Variants in ZNF500 observed in about 807,000 individuals in gnomAD.
ZNF500 encodes zinc finger protein with KRAB and SCAN domains 18.
Under a neutral mutation model 30.1 loss-of-function variants are expected in ZNF500, and 31 were observed. That is an observed-to-expected ratio of 1.03 (90% CI 0.77 to 1.39). The LOEUF (loss-of-function observed/expected upper bound fraction) is 1.39, where lower values mean the gene tolerates loss of function less well. Ranked by LOEUF, ZNF500 falls within the 40% of genes most tolerant of loss-of-function variation. ZNF500 has a pLI of 0.00. For synonymous variants in ZNF500, 392 were observed against 282.0 expected, an observed-to-expected ratio of 1.39 and a Z score of -3.91; for missense variants, 817 against 657.8, an observed-to-expected ratio of 1.24 and a Z score of -2.65.
At chr16:4,756,680 TA>T (rs1451256663) in intron 5 of ZNF500, 2 of 152,056 alleles carry the variant, frequency 1.3e-5, no homozygotes, top group Non-Finnish European at 2.9e-5. Flanking sequence ...CACACCCGGC[TA>T]ATTTTTTTGT....
downstream of ZNF500, chr16:4,746,639 A>G (rs1405540600): frequency 6.3e-6 from 8 of 1,276,228 alleles, no homozygotes; most frequent in East Asian, 2.5e-5. Context: ...TCAATTCTCA[A>G]TTGAAAAGTG....
chr16:4,762,422 G>C, intron 3 of ZNF500, 87 bp from the exon 4 acceptor site: 2 of 1,524,010 alleles, frequency 1.3e-6, no homozygotes, highest in East Asian at 2.3e-5. Flanking sequence ...CCAACAGCCC[G>C]GCGGCTGCCC....
chr16:4,745,657 G>C (rs944061433), downstream of ZNF500, among the ~76,000 whole-genome samples: 2 of 152,172 alleles, frequency 1.3e-5, no homozygotes, highest in African/African-American at 4.8e-5. Flanking sequence ...CCTAACAGAA[G>C]TGGCTACACC....
Position 4,752,074 on chromosome 16 carries a change from CCACGAA to C in ZNF500, c.*296_*301del, listed in dbSNP as rs1358353075. 1 of 1,305,042 alleles carries C rather than the reference CCACGAA, an allele frequency of 7.7e-7. No homozygotes were observed. The highest frequency in any genetic ancestry group is 9.7e-7 in the Non-Finnish European group (1 of 1,029,670). 80.8% of individuals were successfully genotyped at this position (1,305,042 alleles called of 1,614,324 possible). A position where few individuals can be genotyped will look rare whatever the true frequency, so the allele number is the denominator to read the frequency against. On this transcript the variant is annotated 3_prime_UTR_variant, in exon 6 of 6. Transcript: ENST00000219478. ...CTCCCAGGCCCTTCAGGAGCCAGCCCCACGAACACCTTGAGTGTCGGCTTCTGGCCT... is the reference window on the plus strand; with the variant it reads ...CTCCCAGGCCCTTCAGGAGCCAGCCCCACCTTGAGTGTCGGCTTCTGGCCT...
rs200307038 is a variant in ZNF500 at position 4,765,645 on chromosome 16, C to T, written c.334G>A (p.Glu112Lys). ...TCCTCACCGCTCTCCGGCTGCTGCT[C>T]GCGTACCCGAGCCTGGATCTCCCCC... is the stretch of plus-strand genomic sequence containing the variant. Reference protein sequence around the residue: ...LPGEIQARVREQQPESGEEAV... With the variant: ...LPGEIQARVRKQQPESGEEAV... Residue 112 changes from glutamate (E) to lysine (K), a missense_variant, in exon 2 of 6, where the codon GAG becomes AAG. Transcript: ENST00000219478. 24 of 1,613,378 alleles carry T rather than the reference C, an allele frequency of 1.5e-5. No homozygotes were observed. The highest frequency in any genetic ancestry group is 3.3e-4 in the Middle Eastern group (2 of 6,074).
downstream of ZNF500, among the ~76,000 whole-genome samples, chr16:4,745,543 G>C (rs979337757): frequency 1.3e-5 from 2 of 152,204 alleles, no homozygotes; most frequent in Non-Finnish European, 2.9e-5. Context: ...CTATATGCCT[G>C]CCCTCCCCAC....
intron 5 of ZNF500, among the ~76,000 whole-genome samples, chr16:4,759,245 C>T (rs1241045954): frequency 6.6e-6 from 1 of 151,144 alleles, no homozygotes; most frequent in East Asian, 1.9e-4. Flanking sequence ...AAAATAACAA[C>T]CATTGGTATG....
intron 5 of ZNF500, 147 bp downstream of exon 5, chr16:4,760,345 G>T: frequency 3.0e-6 from 2 of 670,386 alleles, no homozygotes; most frequent in South Asian, 3.9e-5. Context: ...AGGCCCTGCA[G>T]GTGGGACTCT....
downstream of ZNF500, chr16:4,744,968 G>A: frequency 6.2e-7 from 1 of 1,613,994 alleles, no homozygotes; most frequent in Non-Finnish European, 8.5e-7. Context: ...GAAGGTGCCT[G>A]CCGACACTCC....
downstream of ZNF500, chr16:4,746,224 G>A: frequency 2.4e-6 from 2 of 833,402 alleles, no homozygotes; most frequent in Non-Finnish European, 3.7e-6. Context: ...GTTCTGAAGA[G>A]TAAAAGAGCA....
chr16:4,744,895 C>A (rs1165989336), downstream of ZNF500: 9 of 1,613,800 alleles, frequency 5.6e-6, no homozygotes, highest in African/African-American at 1.3e-5. Context: ...GCGCCCACAA[C>A]AGGCTCATGG....
downstream of ZNF500, chr16:4,744,882 C>T (rs367853891): frequency 8.7e-6 from 14 of 1,613,056 alleles, no homozygotes; most frequent in South Asian, 1.1e-4. Flanking sequence ...CGCATGGTGC[C>T]GAGCGCCCAC....
At chr16:4,745,386 C>T (rs544347342), downstream of ZNF500, among the ~76,000 whole-genome samples, 14 of 152,324 alleles carry the variant, frequency 9.2e-5, no homozygotes, top group African/African-American at 3.4e-4. Flanking sequence ...CATGTGACCC[C>T]AGCTGCGGGA....
chr16:4,747,017 G>T, downstream of ZNF500: 1 of 1,529,900 alleles, frequency 6.5e-7, no homozygotes, highest in East Asian at 2.5e-5. Flanking sequence ...CTTCCTCCCT[G>T]GGGCTACGGT....
At chr16:4,747,214 GGCTGCCTGAATT>G, downstream of ZNF500, 2 of 1,290,032 alleles carry the variant, frequency 1.6e-6, no homozygotes, top group Non-Finnish European at 2.1e-6. Flanking sequence ...AGCAGTGATG[GGCTGCCTGAATT>G]GCATTCTTGC....
chr16:4,763,289 C>T (rs1387103017), intron 2 of ZNF500: 1 of 286,310 alleles, frequency 3.5e-6, no homozygotes, highest in Non-Finnish European at 5.2e-6. Flanking sequence ...ATCCCAGGTA[C>T]TTGGGAGGCT....
In ZNF500 at chr16:4,751,732, C is replaced by G; in HGVS notation, c.*644G>C. On this transcript the variant is annotated 3_prime_UTR_variant, in exon 6 of 6. Transcript: ENST00000219478. ...CACAGTGTATTGGGGGACCCTAAAC[C>G]CAGTGAGTGGTGGCCCTACCAAAAA... 1 of 1,260,444 alleles carries G rather than the reference C, an allele frequency of 7.9e-7. No individual in the cohort carries two copies. Among genetic ancestry groups the G allele is most frequent in the Non-Finnish European group, 1.1e-6 (1 of 897,898 alleles). 78.1% of individuals were successfully genotyped at this position (1,260,444 alleles called of 1,614,324 possible).
chr16:4,758,135 T>A (rs1477850512), intron 5 of ZNF500, among the ~76,000 whole-genome samples: 3 of 151,924 alleles, frequency 2.0e-5, no homozygotes, highest in Non-Finnish European at 4.4e-5. Context: ...TGACCTCAGG[T>A]GATAAACACT....
chr16:4,755,371 C>T (rs1027216016), intron 5 of ZNF500, among the ~76,000 whole-genome samples: 2 of 152,110 alleles, frequency 1.3e-5, no homozygotes, highest in African/African-American at 4.8e-5. Flanking sequence ...GGCTGGAGTG[C>T]AGTGGTGTGA....
Sources: gnomAD v4.1 joint callset for allele counts (sites outside exome capture counted in the v4.1 genomes callset) on GRCh38, gnomAD v4.1.1 for gene constraint, MANE v1.5 for transcripts, NCBI Gene and HGNC (gene_info 2026-07-23, HGNC 2026-07-21) for gene names.